Variants in PDLIM5 observed in about 807,000 individuals in gnomAD.
The protein encoded by PDLIM5 is PDZ and LIM domain 5.
A neutral mutation model predicts 64.2 loss-of-function variants in PDLIM5; 34 were observed. The ratio of observed to expected loss-of-function variants is 0.53; its 90% CI spans 0.40 to 0.71. The LOEUF (loss-of-function observed/expected upper bound fraction) is 0.71, where lower values mean the gene tolerates loss of function less well. PDLIM5 is among the 30% of genes least tolerant of loss of function. The pLI is 0.00. For synonymous variants in PDLIM5, 253 were observed against 269.1 expected, an observed-to-expected ratio of 0.94 and a Z score of 0.59; for missense variants, 683 against 733.6, an observed-to-expected ratio of 0.93 and a Z score of 0.80.
At chr4:94,472,076 A>G (rs1330556807) in intron 2 of PDLIM5, among the ~76,000 whole-genome samples, 8 of 152,160 alleles carry the variant, frequency 5.3e-5, no homozygotes, top group Admixed American at 5.2e-4. Context: ...AGATAATATC[A>G]TCTTCAAAAT....
intron 3 of PDLIM5, among the ~76,000 whole-genome samples, chr4:94,543,778 CTGTGTGTGTGTGTG>C (rs60929032): frequency 0.31 from 40,454 of 131,966 alleles, 6,402 homozygotes; most frequent in Non-Finnish European, 0.36. Flanking sequence ...TAGTATTCCA[CTGTGTGTGTGTGTG>C]TGTGTGTGTG....
In PDLIM5 at chr4:94,647,880, T is replaced by C. The variant is rs1482785147; in HGVS notation, c.1284-6580T>C. ...AGAAAATTTGGGAAATTCACAAATATGTAGAAATTAAAAAACACATTCCTT... is the reference window on the plus strand; with the variant it reads ...AGAAAATTTGGGAAATTCACAAATACGTAGAAATTAAAAAACACATTCCTT... On this transcript the variant is annotated intron_variant, in intron 9 of 12. Transcript: ENST00000317968. Among the ~76,000 whole-genome samples, 3 of 152,244 alleles carry C rather than the reference T, an allele frequency of 2.0e-5. No individual in the cohort carries two copies. The East Asian group carries it at 5.8e-4, about 29-fold the overall frequency.
rs1387494285 is a variant in PDLIM5, at chr4:94,665,566, C to T, written c.*1499C>T. On this transcript the variant is annotated 3_prime_UTR_variant, in exon 13 of 13. Transcript: ENST00000317968. ...GGGAATTGTGAATCAGAAGATTATA[C>T]CCCCCAATTGTTTTTCAATCCCCTT... 1 of 862,040 alleles carries T rather than the reference C, an allele frequency of 1.2e-6. No individual in the cohort carries two copies. 53.4% of individuals were successfully genotyped at this position (862,040 alleles called of 1,614,324 possible). A position where few individuals can be genotyped will look rare whatever the true frequency, so the allele number is the denominator to read the frequency against.
chr4:94,597,413 C>T (rs1737149319), intron 7 of PDLIM5, among the ~76,000 whole-genome samples: 1 of 152,000 alleles, frequency 6.6e-6, no homozygotes, highest in Non-Finnish European at 1.5e-5. Flanking sequence ...ACAGTAAAAC[C>T]AAAAATCCTT....
chr4:94,471,717 A>G (rs960674991), intron 2 of PDLIM5, among the ~76,000 whole-genome samples: 1 of 152,116 alleles, frequency 6.6e-6, no homozygotes, highest in African/African-American at 2.4e-5. Flanking sequence ...TTACCTGTCA[A>G]ATAAGGGTAA....
intron 9 of PDLIM5, among the ~76,000 whole-genome samples, chr4:94,651,372 G>A (rs1741833267): frequency 6.6e-6 from 1 of 152,082 alleles, no homozygotes; most frequent in South Asian, 2.1e-4. Flanking sequence ...AATTCCTTTT[G>A]CTATTTGAAA....
chr4:94,600,892 C>A (rs1283520589), intron 7 of PDLIM5, among the ~76,000 whole-genome samples: 1 of 152,054 alleles, frequency 6.6e-6, no homozygotes, highest in Non-Finnish European at 1.5e-5. Context: ...AGAACATTTT[C>A]TATATAGAGA....
chr4:94,523,224 A>G (rs1360852856), intron 2 of PDLIM5, among the ~76,000 whole-genome samples: 1 of 152,222 alleles, frequency 6.6e-6, no homozygotes, highest in Non-Finnish European at 1.5e-5. Flanking sequence ...TCAATCCCCA[A>G]ACCCTGGATA....
rs1348986744 is a variant in PDLIM5 at position 94,666,738 on chromosome 4, A to T, written c.*2671A>T. ...CATTTTCATCAGACCTTCTTTCTACATATTATTCATGAAGCATAATGTTGC... is the reference window on the plus strand; with the variant it reads ...CATTTTCATCAGACCTTCTTTCTACTTATTATTCATGAAGCATAATGTTGC... On this transcript the variant is annotated 3_prime_UTR_variant, in exon 13 of 13. Coordinates refer to ENST00000317968, the MANE Select transcript of PDLIM5 (RefSeq NM_006457.5). 3 of 152,204 alleles carry T rather than the reference A, an allele frequency of 2.0e-5. No homozygotes were observed. The highest frequency in any genetic ancestry group is 4.4e-5 in the Non-Finnish European group (3 of 68,040). 9.4% of individuals were successfully genotyped at this position (152,204 alleles called of 1,614,324 possible).
intron 2 of PDLIM5, among the ~76,000 whole-genome samples, chr4:94,516,704 T>A (rs1005067950): frequency 5.9e-5 from 9 of 152,100 alleles, no homozygotes; most frequent in African/African-American, 1.2e-4. Context: ...CCAAATTTTT[T>A]AATTTTTTGT....
At chr4:94,473,716 C>A (rs955007903) in intron 2 of PDLIM5, among the ~76,000 whole-genome samples, 1 of 152,170 alleles carries the variant, frequency 6.6e-6, no homozygotes. Context: ...TAAATATTTT[C>A]TCTCAAGTTT....
intron 12 of PDLIM5, 79 bp from the exon 13 acceptor site, chr4:94,663,899 T>A: frequency 5.6e-6 from 8 of 1,439,784 alleles, no homozygotes; most frequent in Non-Finnish European, 7.5e-6. Context: ...AAAATCACTC[T>A]CTCCTTCTCC....
At chr4:94,588,137 T>C (rs1183538147) in intron 7 of PDLIM5, 9 of 952,732 alleles carry the variant, frequency 9.4e-6, no homozygotes, top group Non-Finnish European at 1.1e-5. Flanking sequence ...AGCTTTGTAC[T>C]TGTTCTGTTT....
At chr4:94,591,502 G>C (rs1193390348) in intron 7 of PDLIM5, among the ~76,000 whole-genome samples, 1 of 152,204 alleles carries the variant, frequency 6.6e-6, no homozygotes, top group African/African-American at 2.4e-5. Flanking sequence ...TAGGCAGACA[G>C]CCTTCACGTG....
chr4:94,612,175 G>A (rs988131952), intron 7 of PDLIM5, among the ~76,000 whole-genome samples: 10 of 152,176 alleles, frequency 6.6e-5, no homozygotes, highest in South Asian at 2.1e-4. Flanking sequence ...CCGAAATTGC[G>A]CCATTGCACT....
intron 3 of PDLIM5, among the ~76,000 whole-genome samples, chr4:94,564,921 G>T (rs1734182622): frequency 6.6e-6 from 1 of 152,080 alleles, no homozygotes; most frequent in Admixed American, 6.6e-5. Context: ...CTCCCAAAGT[G>T]CTGGGATTAC....
intron 8 of PDLIM5, among the ~76,000 whole-genome samples, chr4:94,632,179 A>T (rs1370568079): frequency 2.6e-5 from 4 of 152,168 alleles, no homozygotes; most frequent in African/African-American, 9.7e-5. Flanking sequence ...ACCTTCTTTA[A>T]ACTCAGTAAG....
At chr4:94,462,422 C>A (rs1002508542) in intron 2 of PDLIM5, among the ~76,000 whole-genome samples, 1 of 151,736 alleles carries the variant, frequency 6.6e-6, no homozygotes, top group Non-Finnish European at 1.5e-5. Flanking sequence ...TATCTTCATT[C>A]TTCATTCCTT....
At chr4:94,614,583 C>G (rs1381453678) in intron 7 of PDLIM5, among the ~76,000 whole-genome samples, 1 of 152,146 alleles carries the variant, frequency 6.6e-6, no homozygotes, top group East Asian at 1.9e-4. Flanking sequence ...AAATTTTATC[C>G]TCAGAGAAAA....
Sources: gnomAD v4.1 joint callset for allele counts (sites outside exome capture counted in the v4.1 genomes callset) on GRCh38, gnomAD v4.1.1 for gene constraint, MANE v1.5 for transcripts, NCBI Gene and HGNC (gene_info 2026-07-23, HGNC 2026-07-21) for gene names.